ZNF429: variants seen among roughly 807,000 people sequenced by gnomAD.
ZNF429 encodes the protein zinc finger protein 429.
Under a neutral mutation model 56.8 loss-of-function variants are expected in ZNF429, and 53 were observed. The ratio of observed to expected loss-of-function variants is 0.93; its 90% CI spans 0.75 to 1.17. The LOEUF (loss-of-function observed/expected upper bound fraction) is 1.17, where lower values mean the gene tolerates loss of function less well. Ranked by LOEUF, ZNF429 falls within the 50% of genes most tolerant of loss-of-function variation. The probability of loss-of-function intolerance (pLI) is 0.00; values close to 1 mark genes in which losing one functional copy is unlikely to be tolerated. For missense variants in ZNF429, 849 were observed against 788.4 expected (o/e 1.08, Z -0.92); for synonymous variants, 278 against 264.7 (o/e 1.05, Z -0.49).
chr19:21,536,328 A>G lies in ZNF429; in HGVS notation c.275A>G (p.Lys92Arg), dbSNP rs1427398027. Reference protein sequence around the residue: ...AEDFWPEQDIKDSFQKVTLRR... With the variant: ...AEDFWPEQDIRDSFQKVTLRR... ...GACTTTTGGCCAGAGCAAGACATAA[A>G]AGATTCTTTCCAAAAAGTGACACTG... Residue 92 changes from lysine to arginine, a missense_variant, in exon 4 of 4, where the codon AAA becomes AGA. Coordinates refer to ENST00000358491, the MANE Select transcript of ZNF429 (RefSeq NM_001001415.4). The G allele has an allele frequency of 1.2e-6, 2 of 1,608,796 alleles. No individual in the cohort carries two copies. Among genetic ancestry groups the G allele is most frequent in the African/African-American group, 2.7e-5 (2 of 74,668 alleles).
chr19:21,533,872 A>G, intron 3 of ZNF429, among the ~76,000 whole-genome samples: 7 of 152,006 alleles, frequency 4.6e-5, no homozygotes, highest in Admixed American at 3.3e-4. Flanking sequence ...GCTAGGCTGT[A>G]TTGATATCCA....
chr19:21,536,611 A>G lies in ZNF429; in HGVS notation c.558A>G (p.Ser186=). The change falls in exon 4 of 4, where the codon TCA becomes TCG. Residue 186 remains serine (S), a synonymous_variant. Coordinates refer to ENST00000358491, the MANE Select transcript of ZNF429 (RefSeq NM_001001415.4). ...KKCGKSFCML[S]QLTQHKKIHI... is the part of the protein sequence containing the mutation. The stretch of plus-strand genomic sequence containing the variant: ...GTGGCAAATCATTTTGCATGCTTTC[A>G]CAACTAACTCAACATAAGAAAATTC... The G allele has an allele frequency of 1.2e-6, 2 of 1,613,704 alleles. No individual in the cohort carries two copies. Among genetic ancestry groups the G allele is most frequent in the African/African-American group, 1.3e-5 (1 of 75,012 alleles).
At chr19:21,509,449 A>G (rs2032348733) in intron 1 of ZNF429, among the ~76,000 whole-genome samples, 1 of 152,330 alleles carries the variant, frequency 6.6e-6, no homozygotes, top group East Asian at 1.9e-4. Flanking sequence ...TTTTTCGAAC[A>G]CTTAGTTTCA....
chr19:21,516,445 A>G (rs562752620), intron 1 of ZNF429, among the ~76,000 whole-genome samples: 71 of 152,068 alleles, frequency 4.7e-4, no homozygotes, highest in Non-Finnish European at 9.1e-4. Flanking sequence ...GTTGTTCCAT[A>G]TGAATTTAAA....
intron 3 of ZNF429, among the ~76,000 whole-genome samples, chr19:21,534,773 C>G: frequency 6.8e-6 from 1 of 147,732 alleles, no homozygotes; most frequent in African/African-American, 2.5e-5. Context: ...TTGCTTTCAG[C>G]TGGAAAGTTG....
chr19:21,534,930 C>T, intron 3 of ZNF429, among the ~76,000 whole-genome samples: 2 of 151,140 alleles, frequency 1.3e-5, no homozygotes, highest in African/African-American at 4.9e-5. Context: ...CTGCCTCAGC[C>T]TCCCGAGTAG....
In ZNF429 at chr19:21,540,540, AC is replaced by A. The variant is rs2033886120; in HGVS notation, c.*2463del. ...CCATTACTTGTAACATTTATCTTTTACAAACAACTCAATTATGCACTTTTAG... is the reference window on the plus strand; with the variant it reads ...CCATTACTTGTAACATTTATCTTTTAAAACAACTCAATTATGCACTTTTAG... On this transcript the variant is annotated 3_prime_UTR_variant, in exon 4 of 4. Transcript: ENST00000358491. Among the ~76,000 whole-genome samples the A allele has an allele frequency of 6.6e-6, 1 of 152,136 alleles. No individual in the cohort carries two copies. The highest frequency in any genetic ancestry group is 2.4e-5 in the African/African-American group (1 of 41,456).
chr19:21,538,383 C>T lies in ZNF429; in HGVS notation c.*305C>T, dbSNP rs562014488. On this transcript the variant is annotated 3_prime_UTR_variant, in exon 4 of 4. Transcript: ENST00000358491. ...TTGGGAGGCCGAGGCGGGTGGATCA[C>T]GAGGTCAGGAGTTCAAGACCAGCCT... is the stretch of plus-strand genomic sequence containing the variant. 8.6e-5 allele frequency among the ~76,000 whole-genome samples: 13 copies of T among 151,382 alleles called. 1 individual carries two copies. The highest frequency in any genetic ancestry group is 2.0e-4 in the East Asian group (1 of 5,128).
chr19:21,512,940 C>T (rs967574903), intron 1 of ZNF429, among the ~76,000 whole-genome samples: 5 of 150,990 alleles, frequency 3.3e-5, no homozygotes, highest in Middle Eastern at 3.4e-3. Context: ...GGCGTGATCT[C>T]GGCTTACTGC....
chr19:21,518,860 G>A (rs1315047069), intron 1 of ZNF429: 1 of 92,912 alleles, frequency 1.1e-5, no homozygotes, highest in African/African-American at 4.1e-5. Context: ...GCCCAGCCCT[G>A]TATTATATCT....
chr19:21,505,982 C>T (rs755289011), intron 1 of ZNF429: 13 of 483,912 alleles, frequency 2.7e-5, no homozygotes, highest in African/African-American at 4.0e-5. Context: ...CTTCCCTCCG[C>T]AGTGACTGTG....
chr19:21,508,383 TACTTAAGTG>T (rs1249543978), intron 1 of ZNF429, among the ~76,000 whole-genome samples: 1 of 152,212 alleles, frequency 6.6e-6, no homozygotes, highest in Non-Finnish European at 1.5e-5. Context: ...GGTTATTGAG[TACTTAAGTG>T]ACTTAAGTGA....
chr19:21,514,822 C>T (rs983677981), intron 1 of ZNF429, among the ~76,000 whole-genome samples: 1 of 152,050 alleles, frequency 6.6e-6, no homozygotes, highest in Non-Finnish European at 1.5e-5. Context: ...TTGTCTCGAA[C>T]TCCTGACCTC....
Position 21,537,865 on chromosome 19 carries a change from G to A in ZNF429, c.1812G>A (p.Arg604=), listed in dbSNP as rs2145492358. The change falls in exon 4 of 4, where the codon CGG becomes CGA. Residue 604 remains arginine, a synonymous_variant. Coordinates refer to ENST00000358491, the MANE Select transcript of ZNF429 (RefSeq NM_001001415.4). ...AAGAATGTGGCAAAGCTTTTAATCG[G>A]TCCTCAAGACTTACTCAACATAAGA... ...KCEECGKAFN[R]SSRLTQHKKI... is the part of the protein sequence containing the mutation. 5 of 1,613,978 alleles carry A rather than the reference G, an allele frequency of 3.1e-6. No homozygotes were observed. The highest frequency in any genetic ancestry group is 2.2e-5 in the South Asian group (2 of 91,078).
intron 1 of ZNF429, among the ~76,000 whole-genome samples, chr19:21,512,692 A>G (rs770368639): frequency 1.4e-4 from 21 of 151,624 alleles, no homozygotes; most frequent in Non-Finnish European, 2.8e-4. Context: ...AAAGGAGGAA[A>G]GAATGCCTTA....
intron 1 of ZNF429, among the ~76,000 whole-genome samples, chr19:21,510,947 C>T (rs1251716232): frequency 2.0e-5 from 3 of 151,986 alleles, no homozygotes; most frequent in Admixed American, 2.0e-4. Flanking sequence ...TTTCTTAGTA[C>T]AGAACAAAAT....
intron 1 of ZNF429, among the ~76,000 whole-genome samples, chr19:21,512,558 G>A (rs1344961330): frequency 6.6e-6 from 1 of 151,232 alleles, no homozygotes; most frequent in Non-Finnish European, 1.5e-5. Context: ...CAGCTACTTG[G>A]GAGACAGAGG....
At chr19:21,517,865 C>T (rs924872056) in intron 1 of ZNF429, among the ~76,000 whole-genome samples, 5 of 150,308 alleles carry the variant, frequency 3.3e-5, no homozygotes, top group African/African-American at 1.2e-4. Context: ...TCGATCTCAG[C>T]TCACTGCAAG....
chr19:21,531,105 T>TCAAAAAAAAAAACAAAA, intron 3 of ZNF429, among the ~76,000 whole-genome samples: 1 of 12,580 alleles, frequency 7.9e-5, no homozygotes, highest in African/African-American at 3.7e-4. Context: ...AAACTCCATC[T>TCAAAAAAAAAAACAAAA]CAAAAAAAAA....
Sources: gnomAD v4.1 joint callset for allele counts (sites outside exome capture counted in the v4.1 genomes callset) on GRCh38, gnomAD v4.1.1 for gene constraint, MANE v1.5 for transcripts, NCBI Gene and HGNC (gene_info 2026-07-23, HGNC 2026-07-21) for gene names.